Variants in CSMD2 observed in about 807,000 individuals in gnomAD.
CSMD2 encodes CUB and Sushi multiple domains 2.
In CSMD2, 130 loss-of-function variants were observed where a neutral mutation model predicts 398.5. That is an observed-to-expected ratio of 0.33 (90% confidence interval 0.28 to 0.38). The LOEUF is 0.38. Among genes scored for constraint, CSMD2 ranks in the 10% least tolerant of loss-of-function variants. The pLI, the probability that CSMD2 is intolerant of heterozygous loss-of-function variation, is 1.00. For missense variants in CSMD2, 3,829 were observed against 4,764.9 expected (o/e 0.80, Z 5.78); for synonymous variants, 1,828 against 1,908.5 (o/e 0.96, Z 1.10).
Position 33,810,869 on chromosome 1 carries a change from AGAG to A in CSMD2, c.1325-8_1325-6del, listed in dbSNP as rs1195191967. On this transcript the variant is annotated splice_region_variant and splice_polypyrimidine_tract_variant and intron_variant, in intron 9 of 70. Transcript: ENST00000373381. The stretch of plus-strand genomic sequence containing the variant: ...GGTGGGCATCACACATGCGGGCTGC[AGAG>A]GAGATGAAAGACAAGCCTTTGAATT... The A allele has an allele frequency of 4.3e-6, 7 of 1,610,110 alleles. No individual in the cohort carries two copies. The highest frequency in any genetic ancestry group is 5.9e-6 in the Non-Finnish European group (7 of 1,178,534).
chr1:34,106,586 C>T (rs2148428656), intron 1 of CSMD2, among the ~76,000 whole-genome samples: 1 of 152,284 alleles, frequency 6.6e-6, no homozygotes, highest in African/African-American at 2.4e-5. Flanking sequence ...AGGACATACT[C>T]TCAAAGCTAT....
At chr1:34,128,916 C>T (rs1663027459) in intron 1 of CSMD2, among the ~76,000 whole-genome samples, 1 of 152,112 alleles carries the variant, frequency 6.6e-6, no homozygotes, top group African/African-American at 2.4e-5. Context: ...CACAACTGCC[C>T]AAGTCCTGGC....
At chr1:34,072,014 A>G (rs1387281517) in intron 2 of CSMD2, among the ~76,000 whole-genome samples, 1 of 152,236 alleles carries the variant, frequency 6.6e-6, no homozygotes, top group East Asian at 1.9e-4. Context: ...CTTAGTGAAG[A>G]TCACAAGCAA....
At chr1:33,976,875 G>T (rs1570691882) in intron 3 of CSMD2, among the ~76,000 whole-genome samples, 1 of 152,030 alleles carries the variant, frequency 6.6e-6, no homozygotes, top group East Asian at 1.9e-4. Context: ...CTGTTTGACT[G>T]GTATTGGTTC....
At chr1:34,022,133 A>C (rs1024828199) in intron 3 of CSMD2, among the ~76,000 whole-genome samples, 27 of 152,172 alleles carry the variant, frequency 1.8e-4, no homozygotes, top group Non-Finnish European at 7.3e-5. Context: ...TCACTTGTTT[A>C]ATCGGTATTT....
At chr1:33,587,232 T>G in intron 44 of CSMD2, 64 bp from the exon 45 acceptor site, 1 of 1,199,636 alleles carries the variant, frequency 8.3e-7, no homozygotes. Flanking sequence ...CCGTCATTCA[T>G]TTGTTCAATT....
chr1:33,820,586 A>C (rs1658016523), intron 7 of CSMD2, 30 bp from the exon 8 acceptor site: 2 of 1,064,880 alleles, frequency 1.9e-6, no homozygotes, highest in South Asian at 1.4e-5. Flanking sequence ...AAAAAAAAAA[A>C]AACAGCACAC....
In CSMD2 at chr1:33,646,577, C is replaced by G. The variant is rs373246630; in HGVS notation, c.4774+71G>C. The G allele has an allele frequency of 3.3e-6, 5 of 1,531,826 alleles. No individual in the cohort carries two copies. The East Asian group carries it at 1.1e-4, about 34-fold the overall frequency. 94.9% of individuals were successfully genotyped at this position (1,531,826 alleles called of 1,614,324 possible). A position where few individuals can be genotyped will look rare whatever the true frequency, so the allele number is the denominator to read the frequency against. On this transcript the variant is annotated intron_variant, in intron 29 of 70. Transcript: ENST00000373381. ...GTCCAGCCCAGGGCTCTCCTCACTA[C>G]GCTACACTACTTGCCCTCTGCCTTG...
chr1:34,087,422 G>C (rs1252613145), intron 2 of CSMD2, among the ~76,000 whole-genome samples: 3 of 151,410 alleles, frequency 2.0e-5, no homozygotes, highest in African/African-American at 7.3e-5. Context: ...GTTGAACAAT[G>C]AGAACACATG....
At position 33,788,548 on chromosome 1, in the gene CSMD2, C is replaced by T. The variant is rs940433656; in HGVS notation, c.1663+52G>A. The T allele has an allele frequency of 4.2e-5, 42 of 996,852 alleles. No homozygotes were observed. The African/African-American group carries it at 6.4e-4, about 15-fold the overall frequency. 61.8% of individuals were successfully genotyped at this position (996,852 alleles called of 1,614,324 possible). A position where few individuals can be genotyped will look rare whatever the true frequency, so the allele number is the denominator to read the frequency against. On this transcript the variant is annotated intron_variant, in intron 12 of 70. Coordinates refer to ENST00000373381, the MANE Select transcript of CSMD2 (RefSeq NM_001281956.2). Reference sequence around the variant, plus strand: ...AAAAATTCTGACTGCAAATCCAGACCCCGTCTCTGACTCCCAGGACACAGT... The same window carrying T: ...AAAAATTCTGACTGCAAATCCAGACTCCGTCTCTGACTCCCAGGACACAGT...
intron 4 of CSMD2, among the ~76,000 whole-genome samples, chr1:33,927,919 T>C (rs1268729099): frequency 6.6e-6 from 1 of 152,224 alleles, no homozygotes; most frequent in African/African-American, 2.4e-5. Flanking sequence ...AAGCAGCATC[T>C]GTCCAACAGA....
chr1:33,865,692 C>A (rs1462591600), intron 5 of CSMD2, among the ~76,000 whole-genome samples: 2 of 152,078 alleles, frequency 1.3e-5, no homozygotes. Flanking sequence ...CTCATAGGGC[C>A]CAAGAAGGAG....
chr1:34,055,070 TC>T (rs1437786647), intron 2 of CSMD2, among the ~76,000 whole-genome samples: 9 of 152,066 alleles, frequency 5.9e-5, no homozygotes, highest in Admixed American at 5.2e-4. Flanking sequence ...TAGCTCTGCC[TC>T]CCCCTGGCAT....
At chr1:33,796,896 G>A (rs922261565) in intron 10 of CSMD2, among the ~76,000 whole-genome samples, 1 of 152,140 alleles carries the variant, frequency 6.6e-6, no homozygotes, top group Admixed American at 6.5e-5. Context: ...GGCCGCTCTG[G>A]GAGTGTCTGT....
intron 4 of CSMD2, among the ~76,000 whole-genome samples, chr1:33,927,752 C>T (rs939338086): frequency 6.6e-6 from 1 of 152,148 alleles, no homozygotes; most frequent in East Asian, 1.9e-4. Context: ...GTTTTCCAGG[C>T]ATGAGACGCT....
At chr1:34,112,072 G>A (rs954704541) in intron 1 of CSMD2, among the ~76,000 whole-genome samples, 10 of 152,080 alleles carry the variant, frequency 6.6e-5, no homozygotes, top group African/African-American at 2.4e-4. Context: ...AAATATATCT[G>A]AGTGGGTGGA....
intron 25 of CSMD2, among the ~76,000 whole-genome samples, chr1:33,679,031 T>C (rs1009564734): frequency 5.9e-5 from 9 of 152,140 alleles, no homozygotes; most frequent in African/African-American, 2.2e-4. Context: ...CTCATCACCC[T>C]GTCACTGGAG....
intron 4 of CSMD2, among the ~76,000 whole-genome samples, chr1:33,932,478 C>T (rs971854385): frequency 6.6e-6 from 1 of 152,122 alleles, no homozygotes; most frequent in African/African-American, 2.4e-5. Flanking sequence ...TTCAGAGAGT[C>T]GTGCCACCAA....
chr1:34,102,036 C>CT (rs10707228), intron 1 of CSMD2, among the ~76,000 whole-genome samples: 144 of 147,270 alleles, frequency 9.8e-4, no homozygotes, highest in South Asian at 3.2e-3. Context: ...AAAATGTTCA[C>CT]TTTTTTTTTT....
Sources: allele counts gnomAD v4.1 joint callset (sites outside exome capture counted in the v4.1 genomes callset), GRCh38; gene constraint gnomAD v4.1.1; transcripts MANE v1.5; gene names NCBI Gene and HGNC (gene_info 2026-07-23, HGNC 2026-07-21).